Variants in NEK11 observed in about 807,000 individuals in gnomAD.
The protein encoded by NEK11 is serine/threonine-protein kinase Nek11.
A neutral mutation model predicts 80.7 loss-of-function variants in NEK11; 72 were observed. The observed-to-expected ratio is 0.89, with a 90% CI of 0.74 to 1.08. The LOEUF (loss-of-function observed/expected upper bound fraction) is 1.08. NEK11 is among the 50% of genes least tolerant of loss of function. The pLI, the probability that NEK11 is intolerant of heterozygous loss-of-function variation, is 0.00. For missense variants in NEK11, 764 were observed against 763.6 expected (o/e 1.00, Z -0.01); for synonymous variants, 251 against 260.7 (o/e 0.96, Z 0.36).
At chr3:131,101,834 G>A (rs57796814) in intron 4 of NEK11, among the ~76,000 whole-genome samples, 23,208 of 152,114 alleles carry the variant, frequency 0.15, 1,840 homozygotes, top group Non-Finnish European at 0.17. Context: ...AAGCCTCACT[G>A]TATTACTATG....
chr3:131,191,855 A>T (rs1343161780), intron 14 of NEK11, among the ~76,000 whole-genome samples: 1 of 152,178 alleles, frequency 6.6e-6, no homozygotes, highest in Admixed American at 6.6e-5. Context: ...ATAAAAACAC[A>T]TAGAAGAAAG....
At chr3:131,207,094 C>G (rs923458276) in intron 14 of NEK11, among the ~76,000 whole-genome samples, 25 of 152,132 alleles carry the variant, frequency 1.6e-4, no homozygotes, top group Non-Finnish European at 3.2e-4. Context: ...GGTTCCAAGT[C>G]TTTGCTATTG....
At chr3:131,086,587 C>T (rs955249839) in intron 4 of NEK11, among the ~76,000 whole-genome samples, 6 of 152,072 alleles carry the variant, frequency 3.9e-5, no homozygotes, top group Non-Finnish European at 8.8e-5. Context: ...TTTAACATGC[C>T]CCTATCCTTT....
chr3:131,322,800 A>G (rs2096910383), intron 17 of NEK11, among the ~76,000 whole-genome samples: 1 of 152,148 alleles, frequency 6.6e-6, no homozygotes. Flanking sequence ...TGGGTCACAT[A>G]CTGAGCACTG....
At chr3:131,166,195 A>G (rs1240517311) in intron 12 of NEK11, among the ~76,000 whole-genome samples, 2 of 152,242 alleles carry the variant, frequency 1.3e-5, no homozygotes, top group Non-Finnish European at 2.9e-5. Context: ...ACTTCAGGTA[A>G]AAGCAACTTG....
intron 6 of NEK11, 33 bp downstream of exon 6, chr3:131,132,842 G>T (rs6772241): frequency 2.0e-6 from 2 of 982,174 alleles, no homozygotes; most frequent in African/African-American, 1.7e-5. Context: ...TTCCAAAAAC[G>T]CAGAACAGTA....
chr3:131,131,488 A>G (rs1173931843), intron 5 of NEK11, among the ~76,000 whole-genome samples: 4 of 152,164 alleles, frequency 2.6e-5, no homozygotes, highest in African/African-American at 9.6e-5. Context: ...AATCTAGGTT[A>G]TCAAATTTGT....
chr3:131,287,615 A>C (rs1184103750), intron 17 of NEK11, among the ~76,000 whole-genome samples: 2 of 152,102 alleles, frequency 1.3e-5, no homozygotes, highest in Non-Finnish European at 2.9e-5. Context: ...AAGATTTTTA[A>C]GGCCCCGGGG....
At chr3:131,132,460 A>T (rs898338839) in intron 5 of NEK11, among the ~76,000 whole-genome samples, 1 of 152,084 alleles carries the variant, frequency 6.6e-6, no homozygotes, top group African/African-American at 2.4e-5. Flanking sequence ...TATGTAGATT[A>T]TGCTACAAAA....
intron 4 of NEK11, among the ~76,000 whole-genome samples, chr3:131,086,641 A>T (rs941350427): frequency 6.6e-6 from 1 of 152,186 alleles, no homozygotes; most frequent in African/African-American, 2.4e-5. Context: ...CATTTTACAG[A>T]TGAAGAAACA....
chr3:131,222,445 G>A (rs1383335752), intron 14 of NEK11, among the ~76,000 whole-genome samples: 1 of 152,034 alleles, frequency 6.6e-6, no homozygotes, highest in Non-Finnish European at 1.5e-5. Context: ...TTATAACTTT[G>A]GGCTGCTCAC....
chr3:131,285,961 C>A (rs562573809), intron 17 of NEK11, among the ~76,000 whole-genome samples: 6 of 152,180 alleles, frequency 3.9e-5, no homozygotes, highest in Non-Finnish European at 8.8e-5. Flanking sequence ...AGACAAGTCC[C>A]TTTACTTCTC....
At chr3:131,113,963 A>G (rs2080578322) in intron 5 of NEK11, among the ~76,000 whole-genome samples, 1 of 150,758 alleles carries the variant, frequency 6.6e-6, no homozygotes, top group South Asian at 2.1e-4. Context: ...ATTGTTTTCT[A>G]GCACTATTGT....
intron 12 of NEK11, among the ~76,000 whole-genome samples, chr3:131,168,185 C>T (rs1211925529): frequency 2.0e-5 from 3 of 152,160 alleles, no homozygotes; most frequent in Admixed American, 6.5e-5. Flanking sequence ...ACCTTGTCAG[C>T]CCACTTGGGT....
chr3:131,317,991 TC>T (rs1249745009), intron 17 of NEK11, among the ~76,000 whole-genome samples: 2 of 152,194 alleles, frequency 1.3e-5, no homozygotes, highest in African/African-American at 2.4e-5. Context: ...ACAGTCTGCT[TC>T]CAACTTAAGC....
intron 3 of NEK11, among the ~76,000 whole-genome samples, chr3:131,038,140 A>C (rs148396810): frequency 9.6e-4 from 146 of 152,200 alleles, no homozygotes; most frequent in African/African-American, 3.0e-3. Flanking sequence ...AAATATTAAA[A>C]ATTTTAATAC....
chr3:131,297,215 T>A (rs890838634), intron 17 of NEK11, among the ~76,000 whole-genome samples: 2 of 151,342 alleles, frequency 1.3e-5, no homozygotes, highest in African/African-American at 4.8e-5. Context: ...TTTCTAGTTC[T>A]AGATCCCTGA....
chr3:131,263,219 A>G (rs1192283922), intron 16 of NEK11, among the ~76,000 whole-genome samples: 2 of 151,992 alleles, frequency 1.3e-5, no homozygotes, highest in Non-Finnish European at 2.9e-5. Flanking sequence ...CTGGTGTGTG[A>G]TGTTCTCCAC....
chr3:131,029,940 G>A (rs183870439), intron 3 of NEK11, 62 bp downstream of exon 3: 11 of 1,504,456 alleles, frequency 7.3e-6, no homozygotes, highest in Admixed American at 5.0e-5. Flanking sequence ...GGTCTTAGCT[G>A]ATTAGGAACA....
Sources: allele counts gnomAD v4.1 joint callset (sites outside exome capture counted in the v4.1 genomes callset), GRCh38; gene constraint gnomAD v4.1.1; transcripts MANE v1.5; gene names NCBI Gene and HGNC (gene_info 2026-07-23, HGNC 2026-07-21).